The following CNGA1 variants were observed in gnomAD, a reference collection of about 807,000 sequenced individuals.
CNGA1 encodes the protein cyclic nucleotide gated channel subunit alpha 1.
CNGA1 carries 53 observed loss-of-function variants against 69.7 expected under a neutral mutation model. The ratio of observed to expected loss-of-function variants is 0.76; its 90% CI spans 0.61 to 0.96. The LOEUF is 0.96. Among genes scored for constraint, CNGA1 ranks in the 40% least tolerant of loss-of-function variants. The probability of loss-of-function intolerance (pLI) is 0.00; values close to 1 mark genes in which losing one functional copy is unlikely to be tolerated. For synonymous variants in CNGA1, 249 were observed against 283.5 expected (o/e 0.88, Z 1.22); for missense variants, 739 against 811.2 (o/e 0.91, Z 1.08).
intron 1 of CNGA1, among the ~76,000 whole-genome samples, chr4:48,011,586 C>T (rs1239956268): frequency 2.6e-5 from 4 of 152,218 alleles, no homozygotes; most frequent in South Asian, 4.2e-4. Flanking sequence ...CTGATCATGG[C>T]GCATGACACA....
chr4:47,979,138 TG>T (rs1332971603), intron 3 of CNGA1, among the ~76,000 whole-genome samples: 1 of 151,734 alleles, frequency 6.6e-6, no homozygotes, highest in African/African-American at 2.4e-5. Flanking sequence ...CTGGGCAACA[TG>T]GCAAAACCCC....
At chr4:47,943,564 A>C (rs1053524663) in intron 6 of CNGA1, among the ~76,000 whole-genome samples, 152 bp from the exon 7 acceptor site, 3 of 152,092 alleles carry the variant, frequency 2.0e-5, no homozygotes, top group Non-Finnish European at 4.4e-5. Flanking sequence ...TTTCTACCCC[A>C]AAAAGTGGGG....
intron 6 of CNGA1, 33 bp downstream of exon 6, chr4:47,949,799 CA>C: frequency 6.3e-7 from 1 of 1,586,086 alleles, no homozygotes; most frequent in Non-Finnish European, 8.6e-7. Context: ...TCTTTAAAAC[CA>C]AAACTTTGGT....
intron 2 of CNGA1, among the ~76,000 whole-genome samples, chr4:47,984,593 C>T (rs1403085484): frequency 1.3e-5 from 2 of 150,542 alleles, no homozygotes; most frequent in Non-Finnish European, 2.9e-5. Context: ...AGTACTCCAG[C>T]CTGGGCAAGG....
chr4:47,955,081 A>T (rs2083435), intron 3 of CNGA1, among the ~76,000 whole-genome samples: 30,006 of 151,900 alleles, frequency 0.2, 3,160 homozygotes, highest in East Asian at 0.27. Context: ...TTTGTTACTT[A>T]ACAGTTTTGT....
chr4:47,942,274 T>G, intron 8 of CNGA1, 126 bp from the exon 9 acceptor site: 3 of 711,490 alleles, frequency 4.2e-6, no homozygotes. Flanking sequence ...AGAAGCTCAC[T>G]CTGCAGTGTG....
intron 6 of CNGA1, among the ~76,000 whole-genome samples, chr4:47,949,205 CT>C (rs1739600816): frequency 6.6e-6 from 1 of 152,194 alleles, no homozygotes; most frequent in African/African-American, 2.4e-5. Flanking sequence ...TCTCCCTTGG[CT>C]GGCCTTGGCT....
chr4:47,943,708 T>C (rs952777284), intron 6 of CNGA1, among the ~76,000 whole-genome samples: 3 of 151,746 alleles, frequency 2.0e-5, no homozygotes, highest in Admixed American at 1.3e-4. Flanking sequence ...CCCCCAAGAG[T>C]GTTCTTCGAA....
At chr4:47,948,660 G>A (rs375269479) in intron 6 of CNGA1, among the ~76,000 whole-genome samples, 67 of 152,312 alleles carry the variant, frequency 4.4e-4, no homozygotes, top group African/African-American at 1.4e-3. Context: ...GTTATTGACC[G>A]TGATCATCAG....
At chr4:47,997,043 G>A (rs1022397571) in intron 2 of CNGA1, among the ~76,000 whole-genome samples, 1 of 152,126 alleles carries the variant, frequency 6.6e-6, no homozygotes, top group South Asian at 2.1e-4. Flanking sequence ...CTGGGCAACA[G>A]AGTGAGATTC....
At chr4:47,986,998 TGTTGA>T (rs747471747) in intron 2 of CNGA1, among the ~76,000 whole-genome samples, 8 of 126,026 alleles carry the variant, frequency 6.3e-5, no homozygotes, top group Non-Finnish European at 1.4e-4. Flanking sequence ...TGTTGTGTTG[TGTTGA>T]GTTGTGTTGT....
intron 6 of CNGA1, among the ~76,000 whole-genome samples, chr4:47,944,707 A>T (rs1159109216): frequency 6.6e-6 from 1 of 152,194 alleles, no homozygotes; most frequent in Non-Finnish European, 1.5e-5. Context: ...GAGGGATATT[A>T]TCAGCTTTGA....
intron 3 of CNGA1, among the ~76,000 whole-genome samples, chr4:47,971,339 T>C (rs976493368): frequency 2.0e-5 from 3 of 152,060 alleles, no homozygotes; most frequent in Non-Finnish European, 4.4e-5. Context: ...ATATATTTTA[T>C]ACATTTTGAA....
Position 47,936,852 on chromosome 4 carries a change from T to G in CNGA1, c.1630A>C (p.Ser544Arg), listed in dbSNP as rs1738678531. The G allele has an allele frequency of 1.2e-6, 2 of 1,614,052 alleles. No individual in the cohort carries two copies. The highest frequency in any genetic ancestry group is 3.3e-5 in the Admixed American group (2 of 60,010). The stretch of plus-strand genomic sequence containing the variant: ...TTGCTCCCTTTAATGTTAAGAATGC[T>G]GATCTCACCGAAGTAGCTGCCATCG... Reference protein sequence around the residue: ...LSDGSYFGEISILNIKGSKAG... With the variant: ...LSDGSYFGEIRILNIKGSKAG... The change falls in exon 11 of 11, where the codon AGC becomes CGC. Residue 544 changes from serine to arginine, a missense_variant. Physicochemically the swap from Ser to Arg is moderately radical, Grantham distance 110. Coordinates refer to ENST00000514170, the MANE Select transcript of CNGA1 (RefSeq NM_001379270.1).
chr4:47,979,870 G>C (rs1741606869), intron 3 of CNGA1, among the ~76,000 whole-genome samples: 1 of 152,014 alleles, frequency 6.6e-6, no homozygotes. Flanking sequence ...CTGTTTTGTT[G>C]ATATCTTCAA....
intron 2 of CNGA1, among the ~76,000 whole-genome samples, chr4:48,005,806 C>T (rs954641092): frequency 9.2e-5 from 14 of 152,166 alleles, no homozygotes; most frequent in South Asian, 2.1e-4. Flanking sequence ...TAAAGAGCCT[C>T]GGTAAAGTAA....
At position 47,999,990 on chromosome 4, in the gene CNGA1, GA is replaced by G. The variant is rs199687982; in HGVS notation, c.-123+10803del. Among the ~76,000 whole-genome samples, 29 of 151,804 alleles carry G rather than the reference GA, an allele frequency of 1.9e-4. 1 individual carries two copies. The South Asian group carries it at 5.8e-3, about 31-fold the overall frequency. ...ATCAACAAACAAATTTAAAACACAG[GA>G]AAAAATAACAGAACTTCTAGAAATT... On this transcript the variant is annotated intron_variant, in intron 2 of 10. Transcript: ENST00000514170.
chr4:48,006,648 G>C (rs1482790555), intron 2 of CNGA1, among the ~76,000 whole-genome samples: 1 of 152,066 alleles, frequency 6.6e-6, no homozygotes, highest in East Asian at 1.9e-4. Flanking sequence ...TTGAGACAGA[G>C]TCTCGCTCTG....
At chr4:47,953,436 C>T (rs1006259581) in intron 3 of CNGA1, among the ~76,000 whole-genome samples, 10 of 152,188 alleles carry the variant, frequency 6.6e-5, no homozygotes, top group Non-Finnish European at 1.2e-4. Flanking sequence ...TGGAGGTAAT[C>T]TGCTGTGAAT....
Sources: allele counts gnomAD v4.1 joint callset (sites outside exome capture counted in the v4.1 genomes callset), GRCh38; gene constraint gnomAD v4.1.1; transcripts MANE v1.5; gene names NCBI Gene and HGNC (gene_info 2026-07-23, HGNC 2026-07-21).